HENMT1: variants seen among roughly 807,000 people sequenced by gnomAD.
HENMT1 encodes the protein HEN methyltransferase 1, also known as small RNA 2'-O-methyltransferase.
A neutral mutation model predicts 31.1 loss-of-function variants in HENMT1; 27 were observed. That is an observed-to-expected ratio of 0.87 (90% CI 0.64 to 1.20). The LOEUF (loss-of-function observed/expected upper bound fraction) is 1.20, where lower values mean the gene tolerates loss of function less well. HENMT1 is among the 50% of genes most tolerant of loss of function. The pLI is 0.00. For synonymous variants in HENMT1, 167 were observed against 172.2 expected, an observed-to-expected ratio of 0.97 and a Z score of 0.24; for missense variants, 438 against 469.6, an observed-to-expected ratio of 0.93 and a Z score of 0.62.
At chr1:108,654,961 T>C in intron 4 of HENMT1, 111 bp from the exon 5 acceptor site, 1 of 1,082,648 alleles carries the variant, frequency 9.2e-7, no homozygotes, top group South Asian at 1.5e-5. Context: ...TTGATATAAG[T>C]CTGACACAGC....
chr1:108,658,255 C>T (rs935738764), intron 2 of HENMT1, among the ~76,000 whole-genome samples: 2 of 152,092 alleles, frequency 1.3e-5, no homozygotes, highest in African/African-American at 4.8e-5. Flanking sequence ...GCCTCAGCCT[C>T]CCGAGTAGCT....
chr1:108,660,492 T>C (rs1197929615), intron 1 of HENMT1, among the ~76,000 whole-genome samples: 2 of 152,198 alleles, frequency 1.3e-5, no homozygotes, highest in East Asian at 3.8e-4. Flanking sequence ...AAAGTGTCCT[T>C]GATAAACTAG....
At chr1:108,660,100 A>T in intron 1 of HENMT1, 138 bp from the exon 2 acceptor site, 1 of 284,914 alleles carries the variant, frequency 3.5e-6, no homozygotes, top group Non-Finnish European at 6.4e-6. Context: ...AAAGTAAATA[A>T]TGAATTCACC....
intron 7 of HENMT1, 72 bp from the exon 8 acceptor site, chr1:108,649,063 T>C: frequency 7.8e-7 from 1 of 1,288,976 alleles, no homozygotes; most frequent in Non-Finnish European, 1.1e-6. Flanking sequence ...AAGCCATCAA[T>C]AACTTTTTTG....
chr1:108,649,645 G>C (rs543369093), intron 7 of HENMT1, among the ~76,000 whole-genome samples: 3 of 152,080 alleles, frequency 2.0e-5, no homozygotes, highest in Non-Finnish European at 4.4e-5. Context: ...AAGAGGGGGA[G>C]GAAGTGTTTC....
intron 3 of HENMT1, 124 bp downstream of exon 3, chr1:108,657,327 G>A (rs112791724): frequency 1.1e-4 from 71 of 643,340 alleles, no homozygotes; most frequent in African/African-American, 9.7e-4. Context: ...TTGTGGTTAC[G>A]GCATTCTCCC....
chr1:108,648,926 C>G lies in HENMT1; in HGVS notation c.822G>C (p.Glu274Asp), dbSNP rs1483859724. 1 of 1,613,768 alleles carries G rather than the reference C, an allele frequency of 6.2e-7. No individual in the cohort carries two copies. Among genetic ancestry groups the G allele is most frequent in the African/African-American group, 1.3e-5 (1 of 75,022 alleles). Reference sequence around the variant, plus strand: ...TTAAGCTTTCCACTTGTTGGGACACCTCATTAACCAACACAAGTTTAAAGA... The same window carrying G: ...TTAAGCTTTCCACTTGTTGGGACACGTCATTAACCAACACAAGTTTAAAGA... ...ERFFKLVLVNEVSQQVESLRV... is the reference protein window; with the variant it reads ...ERFFKLVLVNDVSQQVESLRV... Residue 274 changes from glutamate to aspartate, a missense_variant, in exon 8 of 8, where the codon GAG becomes GAC. Physicochemically the swap from Glu to Asp is conservative, Grantham distance 45. Coordinates refer to ENST00000651461, the MANE Select transcript of HENMT1 (RefSeq NM_001102592.2).
At chr1:108,652,637 T>G (rs1658089053) in intron 5 of HENMT1, among the ~76,000 whole-genome samples, 1 of 152,200 alleles carries the variant, frequency 6.6e-6, no homozygotes, top group African/African-American at 2.4e-5. Flanking sequence ...TGAGCTTCTA[T>G]GCAATTCACA....
Position 108,648,567 on chromosome 1 carries a change from CA to C in HENMT1, c.1180del (p.Ter394GlufsTer14). The part of the protein sequence containing the change: ...RNYFDEQFEF[*>X] The stretch of plus-strand genomic sequence containing the variant: ...GAAATTTCAGGAAATAAACATGGTT[CA>C]AAACTCAAACTGTTCATCAAAATAA... On this transcript the variant is annotated frameshift_variant and stop_lost, in exon 8 of 8. Coordinates refer to ENST00000651461, the MANE Select transcript of HENMT1 (RefSeq NM_001102592.2). LOFTEE classifies it high-confidence loss of function. 1 of 1,610,012 alleles carries C rather than the reference CA, an allele frequency of 6.2e-7. No homozygotes were observed. Among genetic ancestry groups the C allele is most frequent in the South Asian group, 1.1e-5 (1 of 90,934 alleles).
intron 5 of HENMT1, 96 bp from the exon 6 acceptor site, chr1:108,651,305 G>A (rs993813759): frequency 2.2e-5 from 22 of 994,260 alleles, no homozygotes; most frequent in Middle Eastern, 2.1e-4. Context: ...TCTGTGTATC[G>A]ATTTCTCCCT....
rs1311124209 is a variant in HENMT1, at chr1:108,658,100, T to C, written c.22-521A>G. 7.7e-4 allele frequency among the ~76,000 whole-genome samples: 96 copies of C among 123,956 alleles called. 1 individual carries two copies. The highest frequency in any genetic ancestry group is 4.5e-3 in the Middle Eastern group (1 of 224). The allele number at this position is 123,956 out of a possible 152,430, so 81.3% of individuals were successfully genotyped here. A position where few individuals can be genotyped will look rare whatever the true frequency, so the allele number is the denominator to read the frequency against. On this transcript the variant is annotated intron_variant, in intron 2 of 7. Transcript: ENST00000651461. ...ACACACACACACACACACACATATA[T>C]ACACACACACACACACACATATATA...
At chr1:108,652,141 T>A (rs1240738459) in intron 5 of HENMT1, among the ~76,000 whole-genome samples, 1 of 152,224 alleles carries the variant, frequency 6.6e-6, no homozygotes, top group African/African-American at 2.4e-5. Flanking sequence ...CATTGTGTGA[T>A]CTTGGGCCAT....
At chr1:108,661,119 C>CGCTACCGCCGCG (rs1455950884), upstream of HENMT1, 1 of 498,214 alleles carries the variant, frequency 2.0e-6, no homozygotes, top group Non-Finnish European at 2.6e-6. Context: ...CGCTGCGTGA[C>CGCTACCGCCGCG]GCTACCGCCG....
rs914583042 is a variant in HENMT1, at chr1:108,655,697, A to T, written c.152T>A (p.Val51Asp). ...AGTATCACCACATCCCAGGTCTGCA[A>T]CCTGTAGATGAGACAGAATGTTATT... is the stretch of plus-strand genomic sequence containing the variant. ...NLVDQHEPKK[V>D]ADLGCGDTSL... Residue 51 changes from valine (V) to aspartate (D), a missense_variant and splice_region_variant, in exon 4 of 8, where the codon GTT becomes GAT. By Grantham distance (152) the Val-to-Asp change is radical. Transcript: ENST00000651461. The T allele has an allele frequency of 7.5e-6, 12 of 1,594,264 alleles. No individual in the cohort carries two copies. The highest frequency in any genetic ancestry group is 1.0e-5 in the Non-Finnish European group (12 of 1,166,612).
intron 5 of HENMT1, among the ~76,000 whole-genome samples, chr1:108,653,491 A>G (rs543331672): frequency 1.2e-4 from 19 of 152,268 alleles, no homozygotes; most frequent in African/African-American, 4.3e-4. Context: ...TGGCAGTTCT[A>G]TTTTCAGTTT....
intron 7 of HENMT1, chr1:108,649,993 C>T (rs79529355): frequency 1.5e-6 from 1 of 651,780 alleles, no homozygotes; most frequent in East Asian, 3.1e-5. Flanking sequence ...AGATCATTCC[C>T]TTTAACATGC....
At chr1:108,657,198 C>T (rs1658271191) in intron 3 of HENMT1, among the ~76,000 whole-genome samples, 1 of 152,134 alleles carries the variant, frequency 6.6e-6, no homozygotes, top group Non-Finnish European at 1.5e-5. Context: ...CCTTAAGGCT[C>T]CCCATTCCAC....
chr1:108,655,692 C>T lies in HENMT1; in HGVS notation c.157G>A (p.Asp53Asn). 6.2e-7 allele frequency: 1 copy of T among 1,600,038 alleles called. No homozygotes were observed. The highest frequency in any genetic ancestry group is 8.5e-7 in the Non-Finnish European group (1 of 1,171,010). The change falls in exon 4 of 8, where the codon GAC becomes AAC. Residue 53 changes from aspartate to asparagine, a missense_variant. Physicochemically the swap from Asp to Asn is conservative, Grantham distance 23. Transcript: ENST00000651461. The part of the protein sequence containing the change: ...VDQHEPKKVA[D>N]LGCGDTSLLR... Reference sequence around the variant, plus strand: ...AGTGAAGTATCACCACATCCCAGGTCTGCAACCTGTAGATGAGACAGAATG... The same window carrying T: ...AGTGAAGTATCACCACATCCCAGGTTTGCAACCTGTAGATGAGACAGAATG...
In HENMT1 at chr1:108,648,475, A is replaced by G. The variant is rs1232956529; in HGVS notation, c.*91T>C. ...ACTTTTGCAGTGAAACTTTAAAAAC[A>G]TTACTTGAATTAGGATTACACAAAA... is the stretch of plus-strand genomic sequence containing the variant. On this transcript the variant is annotated 3_prime_UTR_variant, in exon 8 of 8. Coordinates refer to ENST00000651461, the MANE Select transcript of HENMT1 (RefSeq NM_001102592.2). The G allele has an allele frequency of 1.1e-5, 12 of 1,090,280 alleles. No individual in the cohort carries two copies. In the South Asian group the frequency reaches 1.8e-4, roughly 16 times the overall value. The allele number at this position is 1,090,280 out of a possible 1,614,324, so 67.5% of individuals were successfully genotyped here.
Sources: allele counts gnomAD v4.1 joint callset (sites outside exome capture counted in the v4.1 genomes callset), GRCh38; gene constraint gnomAD v4.1.1; transcripts MANE v1.5; gene names NCBI Gene and HGNC (gene_info 2026-07-23, HGNC 2026-07-21).